The following MYO1B variants were observed in gnomAD, a reference collection of about 807,000 sequenced individuals.
The protein encoded by MYO1B is myosin IB.
A neutral mutation model predicts 159.7 loss-of-function variants in MYO1B; 72 were observed. The observed-to-expected ratio is 0.45, with a 90% confidence interval of 0.37 to 0.55. The LOEUF (loss-of-function observed/expected upper bound fraction) is 0.55, where lower values mean the gene tolerates loss of function less well. Among genes scored for constraint, MYO1B ranks in the 20% least tolerant of loss-of-function variants. The pLI is 0.00. For missense variants in MYO1B, 1,062 were observed against 1,364.8 expected (o/e 0.78, Z 3.50); for synonymous variants, 468 against 473.8 (o/e 0.99, Z 0.16).
rs774542355 is a variant in MYO1B, at chr2:191,341,447, A to G, written c.347-14A>G. 6.2e-6 allele frequency: 10 copies of G among 1,608,664 alleles called. No homozygotes were observed. Among genetic ancestry groups the G allele is most frequent in the South Asian group, 1.1e-5 (1 of 89,922 alleles). ...TCTGTGTTATTGATTAATATGGCTT[A>G]TTTTCATCCACAGAGGCCAGTAAGC... On this transcript the variant is annotated splice_polypyrimidine_tract_variant and intron_variant, in intron 4 of 30. Coordinates refer to ENST00000392318, the MANE Select transcript of MYO1B (RefSeq NM_001130158.3).
chr2:191,301,394 A>G (rs1689322983), intron 3 of MYO1B, among the ~76,000 whole-genome samples: 1 of 150,328 alleles, frequency 6.7e-6, no homozygotes, highest in African/African-American at 2.4e-5. Context: ...TAGGTTGAGC[A>G]TCCCTAATCT....
At chr2:191,289,545 A>G (rs1174690583) in intron 2 of MYO1B, among the ~76,000 whole-genome samples, 1 of 152,236 alleles carries the variant, frequency 6.6e-6, no homozygotes, top group Non-Finnish European at 1.5e-5. Context: ...CTCCAGAGAC[A>G]TGTAAACAAA....
Position 191,360,697 on chromosome 2 carries a change from A to G in MYO1B, c.629A>G (p.Gln210Arg). The G allele has an allele frequency of 6.2e-7, 1 of 1,613,552 alleles. No homozygotes were observed. Among genetic ancestry groups the G allele is most frequent in the African/African-American group, 1.3e-5 (1 of 75,014 alleles). ...RGERNFHVFY[Q>R]LLSGASEELL... ...GAAAGAAACTTCCATGTGTTCTATC[A>G]GCTGCTCTCTGGTGCCTCTGAAGAG... The change falls in exon 8 of 31, where the codon CAG (glutamine) becomes CGG (arginine). Residue 210 changes from glutamine (Q) to arginine (R), a missense_variant. Physicochemically the swap from Gln to Arg is conservative, Grantham distance 43. Transcript: ENST00000392318.
At chr2:191,253,629 C>G (rs1686261343) in intron 1 of MYO1B, among the ~76,000 whole-genome samples, 2 of 151,680 alleles carry the variant, frequency 1.3e-5, no homozygotes, top group Admixed American at 1.3e-4. Context: ...TAACCTTACA[C>G]ATTCATATGG....
chr2:191,380,847 G>A (rs1004506067), intron 13 of MYO1B, among the ~76,000 whole-genome samples: 6 of 152,182 alleles, frequency 3.9e-5, no homozygotes, highest in African/African-American at 1.4e-4. Flanking sequence ...GTGAGGTGCT[G>A]TGTAAGGGGT....
At chr2:191,266,442 G>T (rs545704909) in intron 1 of MYO1B, among the ~76,000 whole-genome samples, 1 of 152,290 alleles carries the variant, frequency 6.6e-6, no homozygotes, top group South Asian at 2.1e-4. Context: ...ACCACAATGG[G>T]GTGGATCGAA....
intron 4 of MYO1B, among the ~76,000 whole-genome samples, chr2:191,338,079 A>G (rs1414046321): frequency 1.3e-5 from 2 of 152,150 alleles, no homozygotes; most frequent in Non-Finnish European, 2.9e-5. Context: ...CTGGTTTATT[A>G]ATTTCTCTAA....
At chr2:191,364,370 ACCT>A (rs2126019749) in intron 11 of MYO1B, 94 bp downstream of exon 11, 1 of 972,692 alleles carries the variant, frequency 1.0e-6, no homozygotes, top group African/African-American at 1.6e-5. Flanking sequence ...ACAGGCTGTT[ACCT>A]GAATCGTACT....
chr2:191,345,286 T>C lies in MYO1B; in HGVS notation c.452-950T>C, dbSNP rs139168717. On this transcript the variant is annotated intron_variant, in intron 5 of 30. Coordinates refer to ENST00000392318, the MANE Select transcript of MYO1B (RefSeq NM_001130158.3). ...TTAGTTTGCACATTAAAGTTTGAAA[T>C]GGTAAAGATGGGCGGGGTGGGGCTT... Among the ~76,000 whole-genome samples the C allele has an allele frequency of 6.2e-4, 94 of 152,218 alleles. 1 individual carries two copies. The East Asian group carries it at 0.013, about 22-fold the overall frequency.
chr2:191,311,449 G>T lies in MYO1B; in HGVS notation c.251+15223G>T, dbSNP rs138078037. Among the ~76,000 whole-genome samples, 140 of 152,258 alleles carry T rather than the reference G, an allele frequency of 9.2e-4. 1 individual carries two copies. In the Middle Eastern group the frequency reaches 0.027, roughly 30 times the overall value. ...CTTTTATCCTCTATATTTTCATGAA[G>T]GATGGGTCACTAAGGGCCCTTGGAT... On this transcript the variant is annotated intron_variant, in intron 3 of 30. Coordinates refer to ENST00000392318, the MANE Select transcript of MYO1B (RefSeq NM_001130158.3).
At chr2:191,304,272 T>A (rs928130268) in intron 3 of MYO1B, among the ~76,000 whole-genome samples, 2 of 152,202 alleles carry the variant, frequency 1.3e-5, no homozygotes, top group Non-Finnish European at 2.9e-5. Flanking sequence ...GTGGCTATTT[T>A]CAAAACAGCT....
chr2:191,355,161 C>G (rs1326783726), intron 7 of MYO1B, among the ~76,000 whole-genome samples: 1 of 152,146 alleles, frequency 6.6e-6, no homozygotes, highest in Non-Finnish European at 1.5e-5. Flanking sequence ...TGAGGAGAGA[C>G]ACATGGAATG....
intron 21 of MYO1B, among the ~76,000 whole-genome samples, chr2:191,399,150 CA>C (rs1287812287): frequency 6.6e-6 from 1 of 152,086 alleles, no homozygotes; most frequent in Non-Finnish European, 1.5e-5. Flanking sequence ...CCTGCAATCG[CA>C]GGCACTCGGC....
chr2:191,336,566 G>C (rs1370051540), intron 4 of MYO1B, among the ~76,000 whole-genome samples: 4 of 152,182 alleles, frequency 2.6e-5, no homozygotes, highest in Non-Finnish European at 4.4e-5. Context: ...AACATCACCA[G>C]TTGTGACTTC....
At chr2:191,336,249 TCATTAAGACCTTTGGTTCTAAAC>T (rs978548324) in intron 4 of MYO1B, among the ~76,000 whole-genome samples, 3 of 152,236 alleles carry the variant, frequency 2.0e-5, no homozygotes, top group African/African-American at 7.2e-5. Context: ...CCTGCCTTGC[TCATTAAGACCTTTGGTTCTAAAC>T]CCCAAATGAC....
chr2:191,391,158 C>T (rs1695726094), intron 18 of MYO1B, among the ~76,000 whole-genome samples: 1 of 152,218 alleles, frequency 6.6e-6, no homozygotes. Context: ...GAAATCAAGC[C>T]TTATTCCTTC....
chr2:191,385,194 T>G (rs1353303897), intron 15 of MYO1B, among the ~76,000 whole-genome samples: 1 of 152,218 alleles, frequency 6.6e-6, no homozygotes, highest in African/African-American at 2.4e-5. Flanking sequence ...TGACTACTCT[T>G]GGAATAAAAA....
chr2:191,402,091 G>A (rs2126138779), intron 23 of MYO1B: 1 of 152,338 alleles, frequency 6.6e-6, no homozygotes, highest in African/African-American at 2.4e-5. Context: ...AGGAATTTTT[G>A]AGTTTTGTTA....
intron 3 of MYO1B, among the ~76,000 whole-genome samples, chr2:191,313,471 G>A (rs576417541): frequency 2.0e-5 from 3 of 152,056 alleles, no homozygotes; most frequent in East Asian, 1.9e-4. Context: ...TGCAAGCTCC[G>A]CCTCCCGGGT....
Sources: gnomAD v4.1 joint callset for allele counts (sites outside exome capture counted in the v4.1 genomes callset) on GRCh38, gnomAD v4.1.1 for gene constraint, MANE v1.5 for transcripts, NCBI Gene and HGNC (gene_info 2026-07-23, HGNC 2026-07-21) for gene names.